TEX14: variants seen among roughly 807,000 people sequenced by gnomAD.
The protein encoded by TEX14 is inactive serine/threonine-protein kinase TEX14.
Under a neutral mutation model 178.6 loss-of-function variants are expected in TEX14, and 168 were observed. That is an observed-to-expected ratio of 0.94 (90% CI 0.83 to 1.07). TEX14 has a LOEUF of 1.07. Ranked by LOEUF, TEX14 falls within the 50% of genes least tolerant of loss-of-function variation. The pLI, the probability that TEX14 is intolerant of heterozygous loss-of-function variation, is 0.00. For missense variants in TEX14, 1,730 were observed against 1,753.6 expected, an observed-to-expected ratio of 0.99 and a Z score of 0.24; for synonymous variants, 626 against 634.1, an observed-to-expected ratio of 0.99 and a Z score of 0.19.
intron 10 of TEX14, among the ~76,000 whole-genome samples, chr17:58,606,573 AT>A (rs781383762): frequency 6.6e-6 from 1 of 152,126 alleles, no homozygotes; most frequent in African/African-American, 2.4e-5. Context: ...CTTTAGTTAT[AT>A]TGCTGAAAAG....
intron 3 of TEX14, among the ~76,000 whole-genome samples, chr17:58,625,585 C>G (rs746446664): frequency 2.6e-5 from 4 of 152,166 alleles, no homozygotes; most frequent in Non-Finnish European, 5.9e-5. Flanking sequence ...TCCAGGTCCA[C>G]CTGGTATCAA....
intron 1 of TEX14, among the ~76,000 whole-genome samples, chr17:58,671,289 A>G (rs1028879752): frequency 6.6e-6 from 1 of 152,176 alleles, no homozygotes; most frequent in African/African-American, 2.4e-5. Flanking sequence ...GACATCACCA[A>G]GCCAGGCTAA....
At chr17:58,644,293 ACC>A (rs2046644201) in intron 2 of TEX14, among the ~76,000 whole-genome samples, 1 of 152,116 alleles carries the variant, frequency 6.6e-6, no homozygotes, top group South Asian at 2.1e-4. Flanking sequence ...CTCCCCCTAC[ACC>A]TACATAAAAC....
chr17:58,624,274 C>T (rs887815170), intron 3 of TEX14, among the ~76,000 whole-genome samples: 2 of 151,744 alleles, frequency 1.3e-5, no homozygotes, highest in African/African-American at 2.4e-5. Flanking sequence ...GCCTGGGAGA[C>T]AGAGCGAGAC....
Position 58,660,441 on chromosome 17 carries a change from A to T in TEX14, c.-1-8439T>A, listed in dbSNP as rs2047085052. Reference sequence around the variant, plus strand: ...AATAATAATAATAATTTAACACTTTATTGAACTCAAAGCAACATTAAGCAT... The same window carrying T: ...AATAATAATAATAATTTAACACTTTTTTGAACTCAAAGCAACATTAAGCAT... On this transcript the variant is annotated intron_variant, in intron 1 of 31. Transcript: ENST00000349033. The T allele has an allele frequency of 5.9e-6, 3 of 506,072 alleles. No homozygotes were observed. The East Asian group carries it at 9.4e-5, about 16-fold the overall frequency. The allele number at this position is 506,072 out of a possible 1,614,324, so 31.3% of individuals were successfully genotyped here.
At chr17:58,586,583 G>A (rs1473698797) in intron 17 of TEX14, among the ~76,000 whole-genome samples, 1 of 152,136 alleles carries the variant, frequency 6.6e-6, no homozygotes, top group African/African-American at 2.4e-5. Context: ...CTTTAAGCCT[G>A]TAAGAGAAAA....
chr17:58,571,379 G>T (rs1267498846), intron 24 of TEX14, among the ~76,000 whole-genome samples: 2 of 151,756 alleles, frequency 1.3e-5, no homozygotes, highest in Middle Eastern at 3.4e-3. Context: ...GAAACTACAG[G>T]CACATGGCAC....
intron 1 of TEX14, chr17:58,661,416 C>A: frequency 1.2e-6 from 1 of 836,752 alleles, no homozygotes; most frequent in Non-Finnish European, 2.1e-6. Context: ...CTGAACAAGT[C>A]AAGCTGCGAT....
chr17:58,655,649 C>T (rs1423386689), intron 1 of TEX14, among the ~76,000 whole-genome samples: 1 of 152,074 alleles, frequency 6.6e-6, no homozygotes, highest in African/African-American at 2.4e-5. Flanking sequence ...CAGTCTGGAT[C>T]TCATTATTGG....
chr17:58,662,447 A>G (rs1431398671), intron 1 of TEX14, among the ~76,000 whole-genome samples: 2 of 151,864 alleles, frequency 1.3e-5, no homozygotes, highest in Non-Finnish European at 2.9e-5. Flanking sequence ...ACACACACAC[A>G]CACACAGAAT....
chr17:58,557,909 G>A, intron 30 of TEX14, 59 bp from the exon 31 acceptor site: 2 of 1,377,336 alleles, frequency 1.5e-6, no homozygotes, highest in East Asian at 2.3e-5. Flanking sequence ...GTCAAAGGGT[G>A]CCAGTATTCA....
chr17:58,683,387 A>G (rs2143573221), intron 1 of TEX14, among the ~76,000 whole-genome samples: 1 of 151,138 alleles, frequency 6.6e-6, no homozygotes, highest in African/African-American at 2.4e-5. Flanking sequence ...CCCAAAAAAA[A>G]AAGGAAATAT....
chr17:58,591,544 A>G (rs2045141957), intron 15 of TEX14, among the ~76,000 whole-genome samples: 1 of 152,004 alleles, frequency 6.6e-6, no homozygotes, highest in African/African-American at 2.4e-5. Context: ...AAATAAATAA[A>G]ATGTCTGGAC....
At chr17:58,603,084 G>C (rs1045967611) in intron 11 of TEX14, among the ~76,000 whole-genome samples, 1 of 151,642 alleles carries the variant, frequency 6.6e-6, no homozygotes, top group African/African-American at 2.4e-5. Context: ...AAACTACCTG[G>C]AAGGCCAATT....
At chr17:58,604,133 G>A (rs1211717009) in intron 11 of TEX14, among the ~76,000 whole-genome samples, 1 of 151,708 alleles carries the variant, frequency 6.6e-6, no homozygotes, top group Non-Finnish European at 1.5e-5. Flanking sequence ...GTTCTCAAGG[G>A]ATACCACACA....
intron 1 of TEX14, among the ~76,000 whole-genome samples, chr17:58,673,035 A>G (rs2047329004): frequency 1.3e-5 from 2 of 151,882 alleles, no homozygotes; most frequent in Non-Finnish European, 2.9e-5. Context: ...CTCAGCCGGC[A>G]TTCCTTTTAT....
At chr17:58,639,322 G>C (rs991241656) in intron 2 of TEX14, among the ~76,000 whole-genome samples, 1 of 137,844 alleles carries the variant, frequency 7.3e-6, no homozygotes, top group African/African-American at 2.8e-5. Context: ...GTGGGCAAGA[G>C]ATAAAAGACT....
At chr17:58,596,722 GAAA>G (rs768612308) in intron 14 of TEX14, among the ~76,000 whole-genome samples, 2 of 139,298 alleles carry the variant, frequency 1.4e-5, no homozygotes, top group Non-Finnish European at 3.1e-5. Flanking sequence ...CATCTCTATG[GAAA>G]AAAAAAAAAA....
Position 58,611,305 on chromosome 17 carries a change from A to G in TEX14, c.1040T>C (p.Ile347Thr). 1 of 1,613,164 alleles carries G rather than the reference A, an allele frequency of 6.2e-7. No homozygotes were observed. Among genetic ancestry groups the G allele is most frequent in the African/African-American group, 1.3e-5 (1 of 74,968 alleles). Reference sequence around the variant, plus strand: ...AGATATCTGGAGCAGCAGGTGCACAATCACCTCCATGTGCAGCACTGGGAA... The same window carrying G: ...AGATATCTGGAGCAGCAGGTGCACAGTCACCTCCATGTGCAGCACTGGGAA... The part of the protein sequence containing the change: ...SQFPVLHMEV[I>T]VHLLLQISDA... Residue 347 changes from isoleucine (I) to threonine (T), a missense_variant, in exon 10 of 32, where the codon ATT becomes ACT. By Grantham distance (89) the Ile-to-Thr change is moderately conservative. Coordinates refer to ENST00000349033, the MANE Select transcript of TEX14 (RefSeq NM_031272.5).
Sources: gnomAD v4.1 joint callset for allele counts (sites outside exome capture counted in the v4.1 genomes callset) on GRCh38, gnomAD v4.1.1 for gene constraint, MANE v1.5 for transcripts, NCBI Gene and HGNC (gene_info 2026-07-23, HGNC 2026-07-21) for gene names.